C12orf54: variants seen among roughly 807,000 people sequenced by gnomAD.
The protein encoded by C12orf54 is uncharacterized protein C12orf54.
In C12orf54, 24 loss-of-function variants were observed where a neutral mutation model predicts 26.4. The observed-to-expected ratio is 0.91, with a 90% CI of 0.66 to 1.28. The LOEUF (loss-of-function observed/expected upper bound fraction) is 1.28, where lower values mean the gene tolerates loss of function less well. Ranked by LOEUF, C12orf54 falls within the 50% of genes most tolerant of loss-of-function variation. C12orf54 has a pLI of 0.00. For missense variants in C12orf54, 154 were observed against 150.9 expected, an observed-to-expected ratio of 1.02 and a Z score of -0.11; for synonymous variants, 54 against 47.0, an observed-to-expected ratio of 1.15 and a Z score of -0.61.
At chr12:48,443,326 G>C in the C12orf54 span, among the ~76,000 whole-genome samples, 2 of 152,202 alleles carry the variant, frequency 1.3e-5, no homozygotes, top group East Asian at 3.8e-4. Flanking sequence ...CTCTGAGGGT[G>C]TTAGAGCTGA....
intron 5 of C12orf54, chr12:48,489,239 T>G (rs1334883904): frequency 1.7e-6 from 1 of 599,980 alleles, no homozygotes; most frequent in African/African-American, 1.8e-5. Context: ...TATGAAATGC[T>G]GATAATGACT....
chr12:48,438,775 C>A, the C12orf54 span, among the ~76,000 whole-genome samples: 1 of 152,118 alleles, frequency 6.6e-6, no homozygotes, highest in Admixed American at 6.6e-5. Context: ...TAAAGACTTA[C>A]ATGTTAGACC....
chr12:48,473,127 G>A, the C12orf54 span: 3 of 1,610,012 alleles, frequency 1.9e-6, no homozygotes, highest in Non-Finnish European at 1.7e-6. Flanking sequence ...TGACAAGGAG[G>A]CCCCTAACTC....
At chr12:48,444,863 A>G in the C12orf54 span, among the ~76,000 whole-genome samples, 1 of 152,190 alleles carries the variant, frequency 6.6e-6, no homozygotes, top group Non-Finnish European at 1.5e-5. Context: ...GGTTGCTCCA[A>G]ATATATTATT....
chr12:48,460,468 C>T, the C12orf54 span, among the ~76,000 whole-genome samples: 3 of 136,946 alleles, frequency 2.2e-5, no homozygotes, highest in South Asian at 2.3e-4. Context: ...AGGAAAATGA[C>T]ACCAGATGGA....
chr12:48,445,563 T>C, the C12orf54 span, among the ~76,000 whole-genome samples: 3 of 152,096 alleles, frequency 2.0e-5, no homozygotes, highest in African/African-American at 4.8e-5. Context: ...TCCCACCCCT[T>C]ATAGAGAGCT....
the C12orf54 span, among the ~76,000 whole-genome samples, chr12:48,477,475 A>T: frequency 6.6e-6 from 1 of 152,242 alleles, no homozygotes. Flanking sequence ...TTTTGAAGAC[A>T]TCAACAAAAT....
At chr12:48,413,666 A>C in the C12orf54 span, among the ~76,000 whole-genome samples, 1 of 152,204 alleles carries the variant, frequency 6.6e-6, no homozygotes, top group Non-Finnish European at 1.5e-5. Context: ...TTGTAGACAC[A>C]TGTTGTTTTG....
chr12:48,496,391 C>T lies in C12orf54; in HGVS notation c.*251C>T, dbSNP rs1172577754. 1 of 152,656 alleles carries T rather than the reference C, an allele frequency of 6.6e-6. No individual in the cohort carries two copies. Among genetic ancestry groups the T allele is most frequent in the Non-Finnish European group, 1.5e-5 (1 of 68,046 alleles). The allele number at this position is 152,656 out of a possible 1,614,324, so 9.5% of individuals were successfully genotyped here. A position where few individuals can be genotyped will look rare whatever the true frequency, so the allele number is the denominator to read the frequency against. On this transcript the variant is annotated 3_prime_UTR_variant, in exon 9 of 9. Coordinates refer to ENST00000548364, the MANE Select transcript of C12orf54 (RefSeq NM_152319.4). ...AAATAAATGTGACGTAGAAGACTTG[C>T]CTTCCTGGTTCTTCCTGGGCTGTGG...
At chr12:48,488,377 G>T in intron 4 of C12orf54, 1 of 495,964 alleles carries the variant, frequency 2.0e-6, no homozygotes, top group Non-Finnish European at 3.9e-6. Context: ...GCTGGGGCTG[G>T]GTCAGCAACT....
chr12:48,480,750 T>A (rs1191912987), upstream of C12orf54, among the ~76,000 whole-genome samples: 2 of 148,872 alleles, frequency 1.3e-5, no homozygotes, highest in East Asian at 3.9e-4. Context: ...AAAAGACACA[T>A]GTACTTGTAT....
At chr12:48,495,093 C>T in intron 8 of C12orf54, 114 bp downstream of exon 8, 12 of 746,244 alleles carry the variant, frequency 1.6e-5, no homozygotes, top group Non-Finnish European at 2.6e-5. Flanking sequence ...CCCCATGAAG[C>T]AGGTGCAGTC....
the C12orf54 span, among the ~76,000 whole-genome samples, chr12:48,421,512 C>CTTTTTTTT: frequency 2.3e-5 from 1 of 43,476 alleles, no homozygotes; most frequent in Non-Finnish European, 4.1e-5. Flanking sequence ...ATATCATGTG[C>CTTTTTTTT]TTTTTTTTTT....
the C12orf54 span, among the ~76,000 whole-genome samples, chr12:48,437,897 G>A: frequency 6.6e-6 from 1 of 152,090 alleles, no homozygotes; most frequent in African/African-American, 2.4e-5. Context: ...TGGAAGTTCT[G>A]GCCAGGGCAA....
At chr12:48,485,653 G>A (rs1404198552) in intron 2 of C12orf54, among the ~76,000 whole-genome samples, 1 of 152,148 alleles carries the variant, frequency 6.6e-6, no homozygotes, top group African/African-American at 2.4e-5. Flanking sequence ...GAATGAGATG[G>A]TATTTAGGAA....
At chr12:48,415,651 G>A in the C12orf54 span, among the ~76,000 whole-genome samples, 1 of 152,024 alleles carries the variant, frequency 6.6e-6, no homozygotes, top group Non-Finnish European at 1.5e-5. Flanking sequence ...CATGCTGCAG[G>A]TCTTCTTTCC....
chr12:48,424,288 A>G, the C12orf54 span, among the ~76,000 whole-genome samples: 4 of 151,974 alleles, frequency 2.6e-5, no homozygotes, highest in East Asian at 7.7e-4. Flanking sequence ...ATTCATGAGG[A>G]TATTTGTTCG....
the C12orf54 span, among the ~76,000 whole-genome samples, chr12:48,467,996 G>T: frequency 2.0e-5 from 3 of 151,960 alleles, no homozygotes; most frequent in African/African-American, 7.3e-5. Flanking sequence ...TCACTATGTA[G>T]TATTTATTGG....
the C12orf54 span, among the ~76,000 whole-genome samples, chr12:48,474,889 GA>G: frequency 6.6e-6 from 1 of 152,206 alleles, no homozygotes. Flanking sequence ...TGACAGCTTT[GA>G]AAAGAGTAGT....
Sources: allele counts gnomAD v4.1 joint callset (sites outside exome capture counted in the v4.1 genomes callset), GRCh38; gene constraint gnomAD v4.1.1; transcripts MANE v1.5; gene names NCBI Gene and HGNC (gene_info 2026-07-23, HGNC 2026-07-21).